The following TRPC7 variants were observed in gnomAD, a reference collection of about 807,000 sequenced individuals.
TRPC7 encodes short transient receptor potential channel 7.
A neutral mutation model predicts 90.1 loss-of-function variants in TRPC7; 42 were observed. The ratio of observed to expected loss-of-function variants is 0.47; its 90% CI spans 0.36 to 0.60. TRPC7 has a LOEUF of 0.60. TRPC7 is among the 20% of genes least tolerant of loss of function. The probability of loss-of-function intolerance (pLI) is 0.00; values close to 1 mark genes in which losing one functional copy is unlikely to be tolerated. For missense variants in TRPC7, 955 were observed against 1,112.3 expected (o/e 0.86, Z 2.01); for synonymous variants, 451 against 436.3 (o/e 1.03, Z -0.42).
At chr5:136,241,687 C>A (rs1756170689) in intron 7 of TRPC7, among the ~76,000 whole-genome samples, 1 of 152,104 alleles carries the variant, frequency 6.6e-6, no homozygotes, top group Non-Finnish European at 1.5e-5. Flanking sequence ...TTCCAAGTAT[C>A]TGGGAAAACA....
chr5:136,365,242 T>C lies in TRPC7; in HGVS notation c.2+11A>G, dbSNP rs570392280. ...AAAAATCAATATGAAAGAACCATCA[T>C]AGCTGCTTACATTGAGGGTGTAATA... On this transcript the variant is annotated intron_variant, in intron 1 of 11. Transcript: ENST00000513104. 10 of 1,537,102 alleles carry C rather than the reference T, an allele frequency of 6.5e-6. No individual in the cohort carries two copies. The South Asian group carries it at 8.3e-5, about 13-fold the overall frequency.
intron 5 of TRPC7, among the ~76,000 whole-genome samples, chr5:136,259,138 G>T (rs1756775714): frequency 6.6e-6 from 1 of 152,194 alleles, no homozygotes; most frequent in South Asian, 2.1e-4. Context: ...CAGGCCCTTT[G>T]TAAGTACTTA....
intron 10 of TRPC7, 77 bp downstream of exon 10, chr5:136,225,197 C>T: frequency 7.7e-7 from 1 of 1,298,658 alleles, no homozygotes; most frequent in Non-Finnish European, 1.1e-6. Flanking sequence ...GGGGATGACA[C>T]AGTCATGGGA....
chr5:136,354,324 A>C (rs539750028), intron 2 of TRPC7, among the ~76,000 whole-genome samples: 2 of 152,344 alleles, frequency 1.3e-5, no homozygotes, highest in South Asian at 4.1e-4. Flanking sequence ...CTCTACATCC[A>C]CTAAGTTTTT....
intron 4 of TRPC7, 39 bp from the exon 5 acceptor site, chr5:136,266,475 C>A (rs892047293): frequency 1.3e-6 from 2 of 1,548,596 alleles, no homozygotes; most frequent in Middle Eastern, 1.7e-4. Flanking sequence ...TAAACTGTCT[C>A]TAGGTGGATG....
At chr5:136,353,585 G>A (rs1447991146) in intron 2 of TRPC7, among the ~76,000 whole-genome samples, 2 of 152,156 alleles carry the variant, frequency 1.3e-5, no homozygotes, top group African/African-American at 4.8e-5. Context: ...TTCCTGCTAA[G>A]CTGCTCTCCT....
intron 10 of TRPC7, among the ~76,000 whole-genome samples, chr5:136,218,316 T>A (rs989811967): frequency 4.6e-5 from 7 of 151,364 alleles, no homozygotes; most frequent in African/African-American, 1.7e-4. Flanking sequence ...CTAGTTCTCA[T>A]GAAAAAAAAA....
At chr5:136,325,318 C>T (rs1042056150) in intron 2 of TRPC7, among the ~76,000 whole-genome samples, 8 of 152,106 alleles carry the variant, frequency 5.3e-5, no homozygotes, top group African/African-American at 1.4e-4. Flanking sequence ...CCACTGATAT[C>T]GACAGCTCTT....
chr5:136,256,283 T>C (rs1311836346), intron 5 of TRPC7, among the ~76,000 whole-genome samples: 1 of 152,240 alleles, frequency 6.6e-6, no homozygotes, highest in East Asian at 1.9e-4. Context: ...GGGCTGCAGC[T>C]TTCCAGGTTT....
At chr5:136,361,056 C>G (rs1760553311) in intron 1 of TRPC7, among the ~76,000 whole-genome samples, 1 of 152,140 alleles carries the variant, frequency 6.6e-6, no homozygotes, top group Non-Finnish European at 1.5e-5. Flanking sequence ...TCACATGTCT[C>G]TCAATAGTTG....
rs1758297645 is a variant in TRPC7, at chr5:136,299,353, G to A, written c.963+16244C>T. Among the ~76,000 whole-genome samples, 5 of 144,468 alleles carry A rather than the reference G, an allele frequency of 3.5e-5. No individual in the cohort carries two copies. The Middle Eastern group carries it at 0.016, about 466-fold the overall frequency. The allele number at this position is 144,468 out of a possible 152,430, so 94.8% of individuals were successfully genotyped here. A position where few individuals can be genotyped will look rare whatever the true frequency, so the allele number is the denominator to read the frequency against. On this transcript the variant is annotated intron_variant, in intron 3 of 11. Coordinates refer to ENST00000513104, the MANE Select transcript of TRPC7 (RefSeq NM_020389.3). ...CTGGGGTGTGTGCGTGTGTGTGTGT[G>A]TGTGTGTGTGTGTGTGTGTGTGTGT...
intron 3 of TRPC7, among the ~76,000 whole-genome samples, chr5:136,289,642 C>T (rs182989299): frequency 2.2e-4 from 33 of 152,284 alleles, no homozygotes; most frequent in Non-Finnish European, 3.4e-4. Flanking sequence ...ACAAAGCGGC[C>T]GGGAAGCTCG....
chr5:136,298,060 G>GAA (rs1758243321), intron 3 of TRPC7, among the ~76,000 whole-genome samples: 1 of 152,198 alleles, frequency 6.6e-6, no homozygotes, highest in Non-Finnish European at 1.5e-5. Flanking sequence ...ACAGTGGTGA[G>GAA]TTGCTGCTAC....
intron 10 of TRPC7, among the ~76,000 whole-genome samples, chr5:136,224,322 C>T (rs1199135244): frequency 6.6e-6 from 1 of 152,162 alleles, no homozygotes; most frequent in Non-Finnish European, 1.5e-5. Context: ...CAAACGGATA[C>T]AGAGATCTGG....
chr5:136,320,653 CT>C (rs1433333891), intron 2 of TRPC7, among the ~76,000 whole-genome samples: 4 of 152,176 alleles, frequency 2.6e-5, no homozygotes, highest in African/African-American at 9.6e-5. Flanking sequence ...CATTTTCTCC[CT>C]GGTTTTATTT....
chr5:136,307,094 A>C (rs1758662734), intron 3 of TRPC7, among the ~76,000 whole-genome samples: 2 of 152,272 alleles, frequency 1.3e-5, no homozygotes, highest in Non-Finnish European at 2.9e-5. Context: ...TGATTAAATC[A>C]AATTAATTAA....
chr5:136,276,611 C>T (rs1442448880), intron 3 of TRPC7, among the ~76,000 whole-genome samples: 1 of 152,234 alleles, frequency 6.6e-6, no homozygotes, highest in African/African-American at 2.4e-5. Context: ...CAGCCCCTGA[C>T]AATACCATTA....
intron 2 of TRPC7, among the ~76,000 whole-genome samples, chr5:136,355,565 G>A (rs534138378): frequency 1.2e-4 from 18 of 152,242 alleles, no homozygotes; most frequent in South Asian, 4.2e-4. Flanking sequence ...TTGGGAGGCC[G>A]AGGTGGGCAG....
intron 2 of TRPC7, among the ~76,000 whole-genome samples, chr5:136,333,949 G>A (rs1286529172): frequency 6.6e-6 from 1 of 152,176 alleles, no homozygotes; most frequent in African/African-American, 2.4e-5. Context: ...TTTGGATCAA[G>A]TTTGCTGAAC....
Sources: gnomAD v4.1 joint callset for allele counts (sites outside exome capture counted in the v4.1 genomes callset) on GRCh38, gnomAD v4.1.1 for gene constraint, MANE v1.5 for transcripts, NCBI Gene and HGNC (gene_info 2026-07-23, HGNC 2026-07-21) for gene names.